The following TAFA4 variants were observed in gnomAD, a reference collection of about 807,000 sequenced individuals.
TAFA4 encodes chemokine-like protein TAFA-4.
In TAFA4, 20 loss-of-function variants were observed where a neutral mutation model predicts 21.1. The ratio of observed to expected loss-of-function variants is 0.95; its 90% confidence interval spans 0.67 to 1.38. TAFA4 has a LOEUF of 1.38. Ranked by LOEUF, TAFA4 falls within the 40% of genes most tolerant of loss-of-function variation. The probability of loss-of-function intolerance (pLI) is 0.00; values close to 1 mark genes in which losing one functional copy is unlikely to be tolerated. For synonymous variants in TAFA4, 71 were observed against 67.4 expected (o/e 1.05, Z -0.26); for missense variants, 211 against 180.9 (o/e 1.17, Z -0.95).
intron 4 of TAFA4, among the ~76,000 whole-genome samples, chr3:68,748,605 A>G (rs1050736713): frequency 6.6e-6 from 1 of 152,146 alleles, no homozygotes; most frequent in Non-Finnish European, 1.5e-5. Context: ...TTAGCCAGGC[A>G]TGGTGGCACG....
chr3:68,920,426 G>A (rs957007187), intron 1 of TAFA4, among the ~76,000 whole-genome samples: 2 of 152,080 alleles, frequency 1.3e-5, no homozygotes, highest in African/African-American at 4.8e-5. Flanking sequence ...TTGATTAGTT[G>A]GCATTGATAC....
At chr3:68,886,116 AT>A (rs756615247) in intron 1 of TAFA4, among the ~76,000 whole-genome samples, 1 of 152,214 alleles carries the variant, frequency 6.6e-6, no homozygotes, top group African/African-American at 2.4e-5. Flanking sequence ...CATAAAAATG[AT>A]TTTTGAAATG....
intron 3 of TAFA4, among the ~76,000 whole-genome samples, chr3:68,775,844 AAAT>A (rs1703039136): frequency 2.0e-5 from 3 of 152,140 alleles, no homozygotes; most frequent in Non-Finnish European, 4.4e-5. Context: ...CATAAATCAT[AAAT>A]AATATTTACT....
At chr3:68,892,174 G>A (rs899479579) in intron 1 of TAFA4, among the ~76,000 whole-genome samples, 2 of 152,160 alleles carry the variant, frequency 1.3e-5, no homozygotes, top group African/African-American at 4.8e-5. Context: ...ATTGTTACAT[G>A]TTAAAGCAGA....
At chr3:68,814,290 C>CT (rs1167008088) in intron 3 of TAFA4, among the ~76,000 whole-genome samples, 1 of 152,122 alleles carries the variant, frequency 6.6e-6, no homozygotes, top group East Asian at 1.9e-4. Flanking sequence ...CACTCCTGGT[C>CT]AACATAGTGT....
intron 1 of TAFA4, among the ~76,000 whole-genome samples, chr3:68,931,922 C>T (rs2090162825): frequency 6.6e-6 from 1 of 152,174 alleles, no homozygotes; most frequent in Non-Finnish European, 1.5e-5. Flanking sequence ...CATCGAGTGG[C>T]CTCCTCCGCA....
chr3:68,901,645 T>C (rs1016118903), intron 1 of TAFA4, among the ~76,000 whole-genome samples: 1 of 152,238 alleles, frequency 6.6e-6, no homozygotes, highest in Non-Finnish European at 1.5e-5. Context: ...ATTGTCATAT[T>C]GGACAGTACC....
At chr3:68,863,921 A>G (rs1183723227) in intron 3 of TAFA4, among the ~76,000 whole-genome samples, 1 of 152,134 alleles carries the variant, frequency 6.6e-6, no homozygotes, top group African/African-American at 2.4e-5. Flanking sequence ...TACCTACTAA[A>G]AATGCATTAC....
chr3:68,805,618 T>C (rs1703678359), intron 3 of TAFA4, among the ~76,000 whole-genome samples: 1 of 152,208 alleles, frequency 6.6e-6, no homozygotes, highest in Non-Finnish European at 1.5e-5. Flanking sequence ...TGGAACACTA[T>C]GCAGCCATAA....
In TAFA4 at chr3:68,781,331, T is replaced by C. The variant is rs1451035324; in HGVS notation, c.131-28313A>G. 3.4e-5 allele frequency among the ~76,000 whole-genome samples: 5 copies of C among 146,466 alleles called. No homozygotes were observed. The East Asian group carries it at 6.6e-4, about 19-fold the overall frequency. ...AAAGAGAAAAATAATTAAAAACAAC[T>C]AATGAAACAAGTCTGCTCTTCAAAA... is the stretch of plus-strand genomic sequence containing the variant. On this transcript the variant is annotated intron_variant, in intron 3 of 5. Coordinates refer to ENST00000295569, the MANE Select transcript of TAFA4 (RefSeq NM_182522.5).
chr3:68,887,961 A>G (rs1335807578), intron 1 of TAFA4, among the ~76,000 whole-genome samples: 3 of 152,040 alleles, frequency 2.0e-5, no homozygotes, highest in Non-Finnish European at 2.9e-5. Flanking sequence ...ATGCTGTTTT[A>G]TTCTTCACAT....
At chr3:68,881,472 C>A (rs943193085) in intron 2 of TAFA4, among the ~76,000 whole-genome samples, 1 of 152,092 alleles carries the variant, frequency 6.6e-6, no homozygotes, top group Non-Finnish European at 1.5e-5. Flanking sequence ...ATGGTCTATT[C>A]TAAAACAAAA....
chr3:68,860,405 G>A (rs185833300), intron 3 of TAFA4, among the ~76,000 whole-genome samples: 5 of 152,114 alleles, frequency 3.3e-5, no homozygotes, highest in Admixed American at 1.3e-4. Context: ...AAACCACAGC[G>A]GACTCTGAAA....
chr3:68,887,068 A>AC (rs2089679969), intron 1 of TAFA4, among the ~76,000 whole-genome samples: 1 of 152,156 alleles, frequency 6.6e-6, no homozygotes, highest in South Asian at 2.1e-4. Context: ...GATTCATCCC[A>AC]CCTCAAATGT....
chr3:68,830,864 G>C (rs1381341041), intron 3 of TAFA4, among the ~76,000 whole-genome samples: 2 of 152,166 alleles, frequency 1.3e-5, no homozygotes, highest in Non-Finnish European at 2.9e-5. Flanking sequence ...TTATGAATCT[G>C]GGTGTTCCTG....
chr3:68,738,968 G>T (rs1285113246), intron 5 of TAFA4, 107 bp downstream of exon 5: 11 of 1,490,956 alleles, frequency 7.4e-6, no homozygotes, highest in East Asian at 4.6e-5. Flanking sequence ...GCCCAAGCAG[G>T]TTTATTAACA....
chr3:68,751,071 GGT>G (rs1575594847), intron 4 of TAFA4, among the ~76,000 whole-genome samples: 1 of 152,200 alleles, frequency 6.6e-6, no homozygotes, highest in East Asian at 1.9e-4. Flanking sequence ...AAGCAGACCA[GGT>G]GTGTCTCATG....
chr3:68,766,079 A>T (rs35912963), intron 3 of TAFA4, among the ~76,000 whole-genome samples: 6,832 of 152,236 alleles, frequency 0.045, 386 homozygotes, highest in East Asian at 0.25. Flanking sequence ...GAATGGAGAA[A>T]CAATGACAAG....
At chr3:68,845,527 T>G (rs1379358678) in intron 3 of TAFA4, among the ~76,000 whole-genome samples, 1 of 152,254 alleles carries the variant, frequency 6.6e-6, no homozygotes, top group Non-Finnish European at 1.5e-5. Context: ...CATTTAAGGT[T>G]AATATTGTTA....
Sources: allele counts gnomAD v4.1 joint callset (sites outside exome capture counted in the v4.1 genomes callset), GRCh38; gene constraint gnomAD v4.1.1; transcripts MANE v1.5; gene names NCBI Gene and HGNC (gene_info 2026-07-23, HGNC 2026-07-21).